The following SMG1 variants were observed in gnomAD, a reference collection of about 807,000 sequenced individuals.
The protein encoded by SMG1 is serine/threonine-protein kinase SMG1.
A neutral mutation model predicts 419.9 loss-of-function variants in SMG1; 22 were observed. The ratio of observed to expected loss-of-function variants is 0.05; its 90% CI spans 0.04 to 0.07. SMG1 has a LOEUF of 0.07. Ranked by LOEUF, SMG1 falls within the 10% of genes least tolerant of loss-of-function variation. The pLI, the probability that SMG1 is intolerant of heterozygous loss-of-function variation, is 1.00. For synonymous variants in SMG1, 1,538 were observed against 1,553.5 expected (o/e 0.99, Z 0.23); for missense variants, 3,185 against 4,342.0 (o/e 0.73, Z 7.49).
chr16:18,890,551 G>A (rs918090698), intron 5 of SMG1, among the ~76,000 whole-genome samples: 6 of 152,214 alleles, frequency 3.9e-5, no homozygotes, highest in African/African-American at 1.2e-4. Context: ...TTGGGAGGCT[G>A]AGGCAGGAGA....
intron 23 of SMG1, among the ~76,000 whole-genome samples, chr16:18,865,916 C>G (rs987160723): frequency 6.6e-6 from 1 of 152,106 alleles, no homozygotes; most frequent in African/African-American, 2.4e-5. Context: ...CCTGCCTCAG[C>G]CTCCCAAAGT....
chr16:18,901,679 A>G (rs2037351731), intron 1 of SMG1, among the ~76,000 whole-genome samples: 1 of 152,098 alleles, frequency 6.6e-6, no homozygotes, highest in Admixed American at 6.6e-5. Context: ...TGTCATACCT[A>G]ATAAGAGGGT....
chr16:18,815,050 T>C (rs772213055), intron 60 of SMG1, 125 bp downstream of exon 60: 25 of 666,984 alleles, frequency 3.7e-5, no homozygotes, highest in Non-Finnish European at 6.1e-5. Context: ...CTAAAATCTG[T>C]TCAGTTTAAG....
intron 62 of SMG1, among the ~76,000 whole-genome samples, chr16:18,810,834 C>T (rs1226317521): frequency 6.6e-6 from 1 of 152,010 alleles, no homozygotes; most frequent in East Asian, 1.9e-4. Flanking sequence ...GAAGTTTAGG[C>T]ATGAAGTGCT....
In SMG1 at chr16:18,836,363, G is replaced by C. The variant is rs1567340687; in HGVS notation, c.7774C>G (p.Leu2592Val). ...TCTAAAATAAGTCAACCCATACCAA[G>C]GTCCATTTGTGTGCTTATCTCTTGA... is the stretch of plus-strand genomic sequence containing the variant. ...LLQEISTQMDLGPPSYVPATA... is the reference protein window; with the variant it reads ...LLQEISTQMDVGPPSYVPATA... Residue 2592 changes from leucine to valine, a missense_variant, in exon 47 of 63, where the codon CTT (leucine) becomes GTT (valine). This residue lies in a region of SMG1 where 412 missense variants were observed against 546.6 expected (regional missense o/e 0.75). Coordinates refer to ENST00000446231, the MANE Select transcript of SMG1 (RefSeq NM_015092.5). 1 of 1,613,278 alleles carries C rather than the reference G, an allele frequency of 6.2e-7. No individual in the cohort carries two copies. Among genetic ancestry groups the C allele is most frequent in the Non-Finnish European group, 8.5e-7 (1 of 1,179,540 alleles).
At position 18,832,825 on chromosome 16, in the gene SMG1, G is replaced by C. The variant is rs975112896; in HGVS notation, c.8792+115C>G. 9.4e-6 allele frequency: 8 copies of C among 848,060 alleles called. No homozygotes were observed. In the African/African-American group the frequency reaches 1.4e-4, roughly 14 times the overall value. 52.5% of individuals were successfully genotyped at this position (848,060 alleles called of 1,614,324 possible). Reference sequence around the variant, plus strand: ...AAGATACGTGTATGAGCATTTATAAGTAATTATACCTGCTCTAAAAACTAA... The same window carrying C: ...AAGATACGTGTATGAGCATTTATAACTAATTATACCTGCTCTAAAAACTAA... On this transcript the variant is annotated intron_variant, in intron 51 of 62. Transcript: ENST00000446231.
At chr16:18,917,797 G>A (rs901610936) in intron 1 of SMG1, among the ~76,000 whole-genome samples, 2 of 149,080 alleles carry the variant, frequency 1.3e-5, no homozygotes, top group South Asian at 2.1e-4. Flanking sequence ...GGCTAGTCTC[G>A]AACTCCCCAC....
In SMG1 at chr16:18,826,802, C is replaced by G. The variant is rs572113223; in HGVS notation, c.9741+1229G>C. Among the ~76,000 whole-genome samples, 7 of 32,264 alleles carry G rather than the reference C, an allele frequency of 2.2e-4. 1 individual carries two copies. The highest frequency in any genetic ancestry group is 7.4e-4 in the Admixed American group (2 of 2,714). 21.2% of individuals were successfully genotyped at this position (32,264 alleles called of 152,430 possible). ...TGGGCTCCACCCAGTTCGAGCTTCC[C>G]GGCTGCTTTGTTTACCTAAGCAAGC... On this transcript the variant is annotated intron_variant, in intron 55 of 62. Transcript: ENST00000446231.
intron 42 of SMG1, among the ~76,000 whole-genome samples, chr16:18,838,983 C>T (rs2033750076): frequency 6.6e-6 from 1 of 151,412 alleles, no homozygotes; most frequent in Non-Finnish European, 1.5e-5. Context: ...ATTTTTTATT[C>T]TTTTTTTTGT....
rs778643210 is a variant in SMG1, at chr16:18,836,400, A to T, written c.7737T>A (p.Leu2579=). ...TGCTTATCTCTTGAAGCAAGCTTGC[A>T]AGCTGTGTTGCTTCTAAATTATTGA... ...AAFNNLEATQ[L]ASLLQEISTQ... Residue 2579 remains leucine (L), a synonymous_variant, in exon 47 of 63, where the codon CTT becomes CTA. Coordinates refer to ENST00000446231, the MANE Select transcript of SMG1 (RefSeq NM_015092.5). 1 of 1,614,004 alleles carries T rather than the reference A, an allele frequency of 6.2e-7. No homozygotes were observed. The highest frequency in any genetic ancestry group is 2.2e-5 in the East Asian group (1 of 44,880).
intron 39 of SMG1, among the ~76,000 whole-genome samples, chr16:18,844,008 TAC>T (rs71141072): frequency 0.095 from 14,309 of 150,726 alleles, 711 homozygotes; most frequent in Middle Eastern, 0.17. Flanking sequence ...TCTATGATTA[TAC>T]ACACACACAC....
Position 18,836,118 on chromosome 16 carries a change from A to G in SMG1, c.7872T>C (p.Gly2624=), listed in dbSNP as rs1216101377. Residue 2624 remains glycine, a synonymous_variant, in exon 48 of 63, where the codon GGT becomes GGC. Coordinates refer to ENST00000446231, the MANE Select transcript of SMG1 (RefSeq NM_015092.5). Reference sequence around the variant, plus strand: ...CGGAGCGCCTCTGCTGCAGGAGAGCACCAACCTCCCCCTCCAGCTGCTCGC... The same window carrying G: ...CGGAGCGCCTCTGCTGCAGGAGAGCGCCAACCTCCCCCTCCAGCTGCTCGC... The part of the protein sequence containing the change: ...SQCEQLEGEV[G]ALLQQRRSVL... 4 of 1,609,542 alleles carry G rather than the reference A, an allele frequency of 2.5e-6. No homozygotes were observed. The highest frequency in any genetic ancestry group is 3.4e-6 in the Non-Finnish European group (4 of 1,177,984).
chr16:18,889,872 ACT>A (rs2036801561), intron 5 of SMG1, among the ~76,000 whole-genome samples: 1 of 152,148 alleles, frequency 6.6e-6, no homozygotes. Flanking sequence ...GTATTAAATA[ACT>A]CTCAGAAAAG....
At chr16:18,814,996 G>T (rs2141101468) in intron 60 of SMG1, among the ~76,000 whole-genome samples, 179 bp downstream of exon 60, 1 of 151,730 alleles carries the variant, frequency 6.6e-6, no homozygotes, top group Non-Finnish European at 1.5e-5. Flanking sequence ...GAGATTACAG[G>T]TGTGAGCCAT....
chr16:18,837,524 ATC>A (rs1275507715), intron 45 of SMG1, 81 bp from the exon 46 acceptor site: 2 of 1,229,596 alleles, frequency 1.6e-6, no homozygotes, highest in Non-Finnish European at 2.3e-6. Context: ...CATTTTGCAC[ATC>A]CTACTTAAAT....
intron 56 of SMG1, 115 bp from the exon 57 acceptor site, chr16:18,817,585 A>C: frequency 1.2e-6 from 1 of 833,390 alleles, no homozygotes; most frequent in Non-Finnish European, 1.8e-6. Flanking sequence ...CAGGACCAGA[A>C]TTGGTCCTGA....
In SMG1 at chr16:18,829,326, G is replaced by A; in HGVS notation, c.9563C>T (p.Thr3188Ile). The change falls in exon 54 of 63, where the codon ACA (threonine) becomes ATA (isoleucine). Residue 3188 changes from threonine to isoleucine, a missense_variant. Physicochemically the swap from Thr to Ile is moderately conservative, Grantham distance 89. This residue lies in a region of SMG1 where 737 missense variants were observed against 846.6 expected (regional missense o/e 0.87). Coordinates refer to ENST00000446231, the MANE Select transcript of SMG1 (RefSeq NM_015092.5). ...ATGCAGCTGAACCCGCTGCAGGCTT[G>A]TCTTACAAGAAGAAATACTGGTTTC... ...RLETSISSCK[T>I]SLQRVQLHIA... 2 of 1,613,918 alleles carry A rather than the reference G, an allele frequency of 1.2e-6. No individual in the cohort carries two copies. Among genetic ancestry groups the A allele is most frequent in the Non-Finnish European group, 1.7e-6 (2 of 1,179,836 alleles).
chr16:18,869,473 T>TA (rs1369570817), intron 19 of SMG1, among the ~76,000 whole-genome samples, 170 bp from the exon 20 acceptor site: 1 of 152,186 alleles, frequency 6.6e-6, no homozygotes, highest in Admixed American at 6.5e-5. Flanking sequence ...TGAGGTCTTT[T>TA]ATAGTTAACA....
At position 18,830,005 on chromosome 16, in the gene SMG1, T is replaced by C; in HGVS notation, c.9054A>G (p.Glu3018=). ...FDDDNHRQVL[E]EIFFLKRLQT... is the part of the protein sequence containing the mutation. Reference sequence around the variant, plus strand: ...GTAGTCTTTTTAGAAAGAAAATCTCTTCTAGCACCTGCCGGTGATTATCAT... The same window carrying C: ...GTAGTCTTTTTAGAAAGAAAATCTCCTCTAGCACCTGCCGGTGATTATCAT... The change falls in exon 53 of 63, where the codon GAA becomes GAG. Residue 3018 remains glutamate, a synonymous_variant. Coordinates refer to ENST00000446231, the MANE Select transcript of SMG1 (RefSeq NM_015092.5). The C allele has an allele frequency of 6.3e-7, 1 of 1,592,968 alleles. No homozygotes were observed. Among genetic ancestry groups the C allele is most frequent in the Non-Finnish European group, 8.6e-7 (1 of 1,168,482 alleles).
Sources: allele counts gnomAD v4.1 joint callset (sites outside exome capture counted in the v4.1 genomes callset), GRCh38; gene constraint gnomAD v4.1.1; regional missense constraint gnomAD v4.1.1; transcripts MANE v1.5; gene names NCBI Gene and HGNC (gene_info 2026-07-23, HGNC 2026-07-21).